SAXO1: variants seen among roughly 807,000 people sequenced by gnomAD.
SAXO1 encodes the protein 4930500O09Rik.
In SAXO1, 21 loss-of-function variants were observed where a neutral mutation model predicts 17.5. The ratio of observed to expected loss-of-function variants is 1.20; its 90% confidence interval spans 0.85 to 1.72. The LOEUF (loss-of-function observed/expected upper bound fraction) is 1.72. Among genes scored for constraint, SAXO1 ranks in the 40% most tolerant of loss-of-function variants. SAXO1 has a pLI of 0.00. For missense variants in SAXO1, 843 were observed against 596.0 expected (o/e 1.41, Z -4.32); for synonymous variants, 274 against 216.5 (o/e 1.27, Z -2.33).
At chr9:18,955,135 G>A (rs1484371895) in intron 1 of SAXO1, among the ~76,000 whole-genome samples, 3 of 152,188 alleles carry the variant, frequency 2.0e-5, no homozygotes, top group Non-Finnish European at 4.4e-5. Flanking sequence ...GTTCAAGGCT[G>A]TAGTGTGCTA....
At chr9:19,018,681 G>A (rs766289683) in intron 1 of SAXO1, among the ~76,000 whole-genome samples, 2 of 152,204 alleles carry the variant, frequency 1.3e-5, no homozygotes, top group South Asian at 2.1e-4. Flanking sequence ...TTTTAATACA[G>A]TACCCAAAAG....
chr9:19,022,327 C>T (rs1260690329), intron 1 of SAXO1, among the ~76,000 whole-genome samples: 1 of 152,238 alleles, frequency 6.6e-6, no homozygotes, highest in Non-Finnish European at 1.5e-5. Flanking sequence ...CTGTAACATT[C>T]ACTGCGAGAG....
intron 1 of SAXO1, among the ~76,000 whole-genome samples, chr9:19,004,871 A>G (rs910376595): frequency 6.6e-6 from 1 of 152,176 alleles, no homozygotes. Flanking sequence ...TAAAATAATA[A>G]TAAAAAGAAA....
intron 1 of SAXO1, among the ~76,000 whole-genome samples, chr9:19,000,673 C>T (rs1834230103): frequency 6.6e-6 from 1 of 152,012 alleles, no homozygotes; most frequent in Admixed American, 6.6e-5. Context: ...CCCAAGTTTG[C>T]ATTTTTGATA....
At chr9:19,039,396 G>T (rs1836021540) in intron 1 of SAXO1, among the ~76,000 whole-genome samples, 1 of 152,190 alleles carries the variant, frequency 6.6e-6, no homozygotes, top group Non-Finnish European at 1.5e-5. Context: ...TAAAAGATGG[G>T]AGTTAAAGTT....
intron 1 of SAXO1, among the ~76,000 whole-genome samples, chr9:18,959,934 G>A (rs1832416552): frequency 6.6e-6 from 1 of 152,184 alleles, no homozygotes; most frequent in Non-Finnish European, 1.5e-5. Context: ...CAGCAGCAAT[G>A]CAAGGCTAAG....
intron 1 of SAXO1, among the ~76,000 whole-genome samples, chr9:18,958,465 C>T (rs1832344756): frequency 6.6e-6 from 1 of 152,006 alleles, no homozygotes; most frequent in South Asian, 2.1e-4. Context: ...CAAGGACTAA[C>T]CCCTCAGGCA....
chr9:19,047,892 A>G (rs1836260023), intron 1 of SAXO1, among the ~76,000 whole-genome samples: 1 of 152,196 alleles, frequency 6.6e-6, no homozygotes, highest in Non-Finnish European at 1.5e-5. Context: ...ACCCAACTCG[A>G]AAGAACGGGG....
At chr9:18,969,648 G>A (rs969063272) in intron 1 of SAXO1, among the ~76,000 whole-genome samples, 1 of 152,160 alleles carries the variant, frequency 6.6e-6, no homozygotes. Context: ...GGGGTATCTT[G>A]TTCACTATTA....
chr9:18,983,839 C>A (rs1283093410), intron 1 of SAXO1, among the ~76,000 whole-genome samples: 1 of 152,222 alleles, frequency 6.6e-6, no homozygotes, highest in African/African-American at 2.4e-5. Flanking sequence ...TGAATCCTTT[C>A]CAGAAGGCCA....
rs1316577267 is a variant in SAXO1 at position 18,928,470 on chromosome 9, C to A, written c.1007G>T (p.Gly336Val). The A allele has an allele frequency of 6.2e-7, 1 of 1,612,468 alleles. No individual in the cohort carries two copies. The highest frequency in any genetic ancestry group is 2.2e-5 in the East Asian group (1 of 44,810). Residue 336 changes from glycine to valine, a missense_variant, in exon 4 of 4, where the codon GGC (glycine) becomes GTC (valine). Coordinates refer to ENST00000380534, the MANE Select transcript of SAXO1 (RefSeq NM_153707.4). ...GTAGTCATCCTTGGTGGTGGAAGAG[C>A]CTTCAAAGCGACCGCACTTCTTAAT... The part of the protein sequence containing the change: ...LQIKKCGRFE[G>V]SSTTKDDYKQ...
intron 1 of SAXO1, among the ~76,000 whole-genome samples, chr9:18,960,253 C>T (rs1245330374): frequency 1.3e-5 from 2 of 152,178 alleles, no homozygotes. Flanking sequence ...CCAATGGCCT[C>T]ATCACCTCAG....
Position 18,928,277 on chromosome 9 carries a change from G to A in SAXO1, c.1200C>T (p.Val400=). The A allele has an allele frequency of 2.5e-6, 4 of 1,612,806 alleles. No homozygotes were observed. The highest frequency in any genetic ancestry group is 3.4e-6 in the Non-Finnish European group (4 of 1,179,004). ...TGTAGGTGGTCTGGCTTTCCACAGG[G>A]ACATTTCCTCGAGGGCCAGACCAAT... is the stretch of plus-strand genomic sequence containing the variant. The part of the protein sequence containing the change: ...KPHWSGPRGN[V]PVESQTTYTI... The change falls in exon 4 of 4, where the codon GTC becomes GTT. Residue 400 remains valine, a synonymous_variant. Coordinates refer to ENST00000380534, the MANE Select transcript of SAXO1 (RefSeq NM_153707.4).
At chr9:19,011,871 G>C (rs1315135275) in intron 1 of SAXO1, among the ~76,000 whole-genome samples, 1 of 130,414 alleles carries the variant, frequency 7.7e-6, no homozygotes, top group Admixed American at 8.6e-5. Flanking sequence ...TTTTGAGATG[G>C]AGTCTCATTC....
At chr9:18,955,994 C>T (rs561056217) in intron 1 of SAXO1, among the ~76,000 whole-genome samples, 2 of 151,812 alleles carry the variant, frequency 1.3e-5, no homozygotes, top group Non-Finnish European at 2.9e-5. Context: ...GACTGGAGTA[C>T]AGTGGCACAA....
At chr9:19,041,816 T>C (rs1436821354) in intron 1 of SAXO1, among the ~76,000 whole-genome samples, 1 of 152,128 alleles carries the variant, frequency 6.6e-6, no homozygotes, top group Non-Finnish European at 1.5e-5. Context: ...AAGACTTAAA[T>C]CTAAGACCTC....
rs192390508 is a variant in SAXO1 at position 19,000,257 on chromosome 9, T to C, written c.38+32614A>G. 4.4e-3 allele frequency among the ~76,000 whole-genome samples: 595 copies of C among 134,808 alleles called. 3 individuals are homozygous for C. The highest frequency in any genetic ancestry group is 0.017 in the South Asian group (66 of 3,950). The allele number at this position is 134,808 out of a possible 152,430, so 88.4% of individuals were successfully genotyped here. On this transcript the variant is annotated intron_variant, in intron 1 of 3. Transcript: ENST00000380534. ...GAGCGCCTCTGCCCGGCCACCCAAC[T>C]GACTGGGACGTGAGGAGCGCCTCTG... is the stretch of plus-strand genomic sequence containing the variant.
At chr9:18,953,490 T>G (rs1262417388) in intron 1 of SAXO1, among the ~76,000 whole-genome samples, 2 of 152,224 alleles carry the variant, frequency 1.3e-5, no homozygotes, top group Non-Finnish European at 2.9e-5. Context: ...ATCAACATAT[T>G]TATAGAGCAG....
chr9:18,952,871 C>T (rs1832089601), intron 1 of SAXO1, among the ~76,000 whole-genome samples: 1 of 151,984 alleles, frequency 6.6e-6, no homozygotes, highest in African/African-American at 2.4e-5. Flanking sequence ...TATTTTATAC[C>T]CCTTTAATAA....
Sources: gnomAD v4.1 joint callset for allele counts (sites outside exome capture counted in the v4.1 genomes callset) on GRCh38, gnomAD v4.1.1 for gene constraint, MANE v1.5 for transcripts, NCBI Gene and HGNC (gene_info 2026-07-23, HGNC 2026-07-21) for gene names.